CLEC2A: variants seen among roughly 807,000 people sequenced by gnomAD.
CLEC2A encodes the protein C-type lectin domain family 2 member A, also known as keratinocyte-associated C-type lectin.
CLEC2A carries 19 observed loss-of-function variants against 18.6 expected under a neutral mutation model. The observed-to-expected ratio is 1.02, with a 90% CI of 0.71 to 1.50. CLEC2A has a LOEUF of 1.50. Among genes scored for constraint, CLEC2A ranks in the 40% most tolerant of loss-of-function variants. CLEC2A has a pLI of 0.00. For synonymous variants in CLEC2A, 74 were observed against 64.0 expected, an observed-to-expected ratio of 1.16 and a Z score of -0.75; for missense variants, 190 against 207.9, an observed-to-expected ratio of 0.91 and a Z score of 0.53.
the CLEC2A span, chr12:9,892,976 T>C: frequency 2.1e-6 from 3 of 1,432,220 alleles, no homozygotes; most frequent in Non-Finnish European, 2.8e-6. Flanking sequence ...ATCTTCCCTG[T>C]TGGCTGTAAA....
At chr12:9,928,534 T>C (rs1186120347) in intron 1 of CLEC2A, among the ~76,000 whole-genome samples, 2 of 152,032 alleles carry the variant, frequency 1.3e-5, no homozygotes, top group African/African-American at 4.8e-5. Context: ...CATTTCAAGA[T>C]ACAAGACACT....
chr12:9,912,665 C>CAA (rs3053814), downstream of CLEC2A, among the ~76,000 whole-genome samples: 11,070 of 142,722 alleles, frequency 0.078, 1,199 homozygotes, highest in East Asian at 0.41. Flanking sequence ...GGGTGAAAAG[C>CAA]AAAAAAAAAA....
At position 9,913,660 on chromosome 12, in the gene CLEC2A, C is replaced by A. The variant is rs1249658722; in HGVS notation, c.431G>T (p.Gly144Val). ...ATCAGCACTCAAGAAAGCAAAGGAT[C>A]CGTTCCCTATAATTTCAAACCTGAA... ...FNGWFEIIGN[G>V]SFAFLSADGV... The change falls in exon 5 of 5, where the codon GGA becomes GTA. Residue 144 changes from glycine to valine, a missense_variant. Gly to Val is a moderately radical substitution (Grantham distance 109). Coordinates refer to ENST00000455827, the MANE Select transcript of CLEC2A (RefSeq NM_001130711.2). 4 of 1,548,088 alleles carry A rather than the reference C, an allele frequency of 2.6e-6. No individual in the cohort carries two copies. The highest frequency in any genetic ancestry group is 3.5e-6 in the Non-Finnish European group (4 of 1,146,356).
In CLEC2A at chr12:9,926,316, A is replaced by G. The variant is rs1014673032; in HGVS notation, c.83T>C (p.Ile28Thr). 3.2e-6 allele frequency: 5 copies of G among 1,549,296 alleles called. No homozygotes were observed. Among genetic ancestry groups the G allele is most frequent in the Non-Finnish European group, 4.4e-6 (5 of 1,145,114 alleles). Residue 28 changes from isoleucine (I) to threonine (T), a missense_variant, in exon 2 of 5, where the codon ATT becomes ACT. Physicochemically the swap from Ile to Thr is moderately conservative, Grantham distance 89. Coordinates refer to ENST00000455827, the MANE Select transcript of CLEC2A (RefSeq NM_001130711.2). Reference protein sequence around the residue: ...IVPKLIQNWKIGLMCFLSIII... With the variant: ...IVPKLIQNWKTGLMCFLSIII... ...AATACTCAGGAAGCACATAAGGCCA[A>G]TCTTCCAGTTTTGTATCAACTTGGG...
At chr12:9,879,878 T>C in the CLEC2A span, among the ~76,000 whole-genome samples, 593 of 152,334 alleles carry the variant, frequency 3.9e-3, 1 homozygote, top group Non-Finnish European at 7.4e-3. Flanking sequence ...GCCTGAACAG[T>C]TCCAAAGAAG....
rs147067088 is a variant in CLEC2A at position 9,903,003 on chromosome 12, T to C, written c.411-4027A>G. ...CTTTTTCTGAATAAGGAAAGGAATG[T>C]AGAGTGAGGCTGAGACATGTCTGGG... On this transcript the variant is annotated intron_variant, in intron 4 of 4. Transcript: ENST00000339766. Among the ~76,000 whole-genome samples the C allele has an allele frequency of 1.9e-3, 287 of 152,166 alleles. 4 individuals carry two copies. The highest frequency in any genetic ancestry group is 6.5e-3 in the African/African-American group (271 of 41,512).
the CLEC2A span, among the ~76,000 whole-genome samples, chr12:9,882,899 C>T: frequency 4.6e-5 from 7 of 152,116 alleles, no homozygotes; most frequent in African/African-American, 1.7e-4. Context: ...GAAAAATCTA[C>T]CTGATGATGC....
the CLEC2A span, chr12:9,881,503 A>G: frequency 4.3e-6 from 4 of 920,748 alleles, no homozygotes; most frequent in Non-Finnish European, 6.6e-6. Context: ...TTCTTTTAGT[A>G]CCTTGTGCCA....
chr12:9,903,905 A>C (rs1286685383), intron 4 of CLEC2A, among the ~76,000 whole-genome samples: 1 of 152,158 alleles, frequency 6.6e-6, no homozygotes, highest in African/African-American at 2.4e-5. Context: ...CTCTTGTTTT[A>C]TGATGCTTTG....
At chr12:9,899,426 C>T (rs1862795696) in intron 4 of CLEC2A, among the ~76,000 whole-genome samples, 1 of 152,054 alleles carries the variant, frequency 6.6e-6, no homozygotes, top group African/African-American at 2.4e-5. Flanking sequence ...TAAAGGAGTC[C>T]CAGGGGTCCA....
downstream of CLEC2A, among the ~76,000 whole-genome samples, chr12:9,908,688 A>G (rs1862939020): frequency 6.6e-6 from 1 of 152,214 alleles, no homozygotes; most frequent in African/African-American, 2.4e-5. Context: ...CATGCGGGAC[A>G]TTCCCTCTTA....
At chr12:9,892,242 G>A in the CLEC2A span, among the ~76,000 whole-genome samples, 6 of 152,160 alleles carry the variant, frequency 3.9e-5, no homozygotes, top group Non-Finnish European at 5.9e-5. Flanking sequence ...GAAGGAAGAG[G>A]AGGCTATTCA....
chr12:9,894,028 TTC>T (rs924342221), downstream of CLEC2A, among the ~76,000 whole-genome samples: 5 of 152,158 alleles, frequency 3.3e-5, no homozygotes, highest in East Asian at 1.9e-4. Flanking sequence ...TTTTCTTTTC[TTC>T]TCTTTCTTTT....
At chr12:9,885,380 G>C in the CLEC2A span, among the ~76,000 whole-genome samples, 1 of 151,600 alleles carries the variant, frequency 6.6e-6, no homozygotes, top group Non-Finnish European at 1.5e-5. Flanking sequence ...ATTTTAGGTA[G>C]ACTTCCAGAC....
chr12:9,902,990 A>G (rs1326896660), intron 4 of CLEC2A, among the ~76,000 whole-genome samples: 1 of 152,144 alleles, frequency 6.6e-6, no homozygotes, highest in Non-Finnish European at 1.5e-5. Context: ...TTTTCTGAAT[A>G]AGGAAAGGAA....
At chr12:9,927,820 A>T (rs1425631435) in intron 1 of CLEC2A, among the ~76,000 whole-genome samples, 1 of 152,172 alleles carries the variant, frequency 6.6e-6, no homozygotes, top group East Asian at 1.9e-4. Flanking sequence ...TAAAGATAGA[A>T]AACATAAAAT....
chr12:9,901,509 A>G (rs1565526416), intron 4 of CLEC2A, among the ~76,000 whole-genome samples: 1 of 152,318 alleles, frequency 6.6e-6, no homozygotes, highest in East Asian at 1.9e-4. Context: ...TAGAGCATAC[A>G]TTAGCTTTAT....
chr12:9,925,508 A>G (rs1302095316), intron 2 of CLEC2A, among the ~76,000 whole-genome samples: 2 of 152,210 alleles, frequency 1.3e-5, no homozygotes, highest in Non-Finnish European at 2.9e-5. Flanking sequence ...TTTTATCTGT[A>G]AATGGATTTT....
At chr12:9,882,648 G>A in the CLEC2A span, among the ~76,000 whole-genome samples, 1 of 152,162 alleles carries the variant, frequency 6.6e-6, no homozygotes, top group African/African-American at 2.4e-5. Context: ...GGGTATGGTG[G>A]CGTGTGCCTG....
Sources: allele counts gnomAD v4.1 joint callset (sites outside exome capture counted in the v4.1 genomes callset), GRCh38; gene constraint gnomAD v4.1.1; transcripts MANE v1.5; gene names NCBI Gene and HGNC (gene_info 2026-07-23, HGNC 2026-07-21).